RIGI: variants seen among roughly 807,000 people sequenced by gnomAD.
RIGI encodes the protein RNA sensor RIG-I.
chr9:32,459,483 A>G, the RIGI span: 1 of 1,612,436 alleles, frequency 6.2e-7, no homozygotes, highest in Non-Finnish European at 8.5e-7. Flanking sequence ...ACTATCTCTG[A>G]TGAATTTTTC....
At chr9:32,506,332 G>A in the RIGI span, among the ~76,000 whole-genome samples, 14 of 152,182 alleles carry the variant, frequency 9.2e-5, no homozygotes, top group African/African-American at 3.1e-4. Flanking sequence ...CATCGATAGT[G>A]TATGAATGAT....
chr9:32,521,055 G>A, the RIGI span, among the ~76,000 whole-genome samples: 1 of 140,810 alleles, frequency 7.1e-6, no homozygotes, highest in African/African-American at 2.7e-5. Context: ...TGAGGCAGGA[G>A]AATTGCTTGA....
chr9:32,519,589 A>C, the RIGI span, among the ~76,000 whole-genome samples: 412 of 152,332 alleles, frequency 2.7e-3, 3 homozygotes, highest in African/African-American at 9.7e-3. Flanking sequence ...AGTGGTGTTT[A>C]TTTCCAAGGT....
the RIGI span, chr9:32,457,346 G>T: frequency 6.2e-7 from 1 of 1,613,958 alleles, no homozygotes; most frequent in African/African-American, 1.3e-5. Flanking sequence ...CTTGAAAACT[G>T]CTTTGGCTTG....
At chr9:32,517,864 T>C in the RIGI span, among the ~76,000 whole-genome samples, 3 of 152,156 alleles carry the variant, frequency 2.0e-5, no homozygotes, top group African/African-American at 7.2e-5. Flanking sequence ...CTGCTAAAAA[T>C]AAATAAAATG....
the RIGI span, chr9:32,476,836 G>A: frequency 1.5e-6 from 1 of 655,240 alleles, no homozygotes; most frequent in East Asian, 2.8e-5. Flanking sequence ...TGCCCAGGCA[G>A]GTCTTGAACT....
At chr9:32,521,453 T>C in the RIGI span, among the ~76,000 whole-genome samples, 4 of 152,208 alleles carry the variant, frequency 2.6e-5, no homozygotes, top group Non-Finnish European at 5.9e-5. Context: ...GTTTGTTTTA[T>C]CTTTTTGGCT....
chr9:32,491,811 C>T, the RIGI span, among the ~76,000 whole-genome samples: 1 of 150,656 alleles, frequency 6.6e-6, no homozygotes, highest in Non-Finnish European at 1.5e-5. Context: ...TGTATTTATA[C>T]AGTTTCTGAA....
At chr9:32,525,796 C>CAG in the RIGI span, among the ~76,000 whole-genome samples, 91,868 of 151,760 alleles carry the variant, frequency 0.61, 27,960 homozygotes, top group Middle Eastern at 0.67. Context: ...ATAAATGAAA[C>CAG]AAAATTTCTT....
At chr9:32,482,440 C>A in the RIGI span, among the ~76,000 whole-genome samples, 1 of 152,124 alleles carries the variant, frequency 6.6e-6, no homozygotes, top group Non-Finnish European at 1.5e-5. Context: ...GCTCTACTGG[C>A]TCTATGAGCT....
chr9:32,488,642 AT>A, the RIGI span: 3 of 1,307,744 alleles, frequency 2.3e-6, no homozygotes, highest in Non-Finnish European at 3.1e-6. Flanking sequence ...TCTAATATAA[AT>A]TTTTTTAAAT....
the RIGI span, among the ~76,000 whole-genome samples, chr9:32,503,799 T>C: frequency 8.1e-4 from 123 of 152,208 alleles, no homozygotes; most frequent in Non-Finnish European, 1.5e-3. Context: ...CCCACCACTT[T>C]GGGAGGCCAA....
At chr9:32,493,902 G>T in the RIGI span, 1 of 1,606,940 alleles carries the variant, frequency 6.2e-7, no homozygotes, top group Admixed American at 1.7e-5. Flanking sequence ...CAATTTTTTT[G>T]AAATCCCAAC....
the RIGI span, among the ~76,000 whole-genome samples, chr9:32,474,323 A>T: frequency 6.6e-6 from 1 of 152,150 alleles, no homozygotes; most frequent in Non-Finnish European, 1.5e-5. Context: ...CAAAACACTG[A>T]TAAAAGAAAC....
At chr9:32,483,285 A>T in the RIGI span, among the ~76,000 whole-genome samples, 2 of 152,156 alleles carry the variant, frequency 1.3e-5, no homozygotes, top group Non-Finnish European at 2.9e-5. Flanking sequence ...TACCCAAACA[A>T]GTAGTATTGA....
At chr9:32,488,021 T>C in the RIGI span, 2 of 1,614,114 alleles carry the variant, frequency 1.2e-6, no homozygotes, top group Non-Finnish European at 1.7e-6. Context: ...CGGGTGTTGT[T>C]TACTAGTGTT....
At chr9:32,457,448 A>G in the RIGI span, 1 of 1,587,902 alleles carries the variant, frequency 6.3e-7, no homozygotes, top group Non-Finnish European at 8.6e-7. Flanking sequence ...ATAACACACA[A>G]AAGAGAACGT....
At chr9:32,502,178 G>T in the RIGI span, among the ~76,000 whole-genome samples, 1 of 152,158 alleles carries the variant, frequency 6.6e-6, no homozygotes, top group African/African-American at 2.4e-5. Flanking sequence ...CCATGTTGTA[G>T]CACGTTATTA....
the RIGI span, among the ~76,000 whole-genome samples, chr9:32,470,102 T>G: frequency 6.6e-6 from 1 of 152,270 alleles, no homozygotes; most frequent in Non-Finnish European, 1.5e-5. Flanking sequence ...TTTTGAGCTT[T>G]CTTTATCCAG....
Sources: allele counts gnomAD v4.1 joint callset (sites outside exome capture counted in the v4.1 genomes callset), GRCh38; gene constraint gnomAD v4.1.1; transcripts MANE v1.5; gene names NCBI Gene and HGNC (gene_info 2026-07-23, HGNC 2026-07-21).